The following SP140 variants were observed in gnomAD, a reference collection of about 807,000 sequenced individuals.
The protein encoded by SP140 is nuclear body protein SP140.
SP140 carries 81 observed loss-of-function variants against 125.0 expected under a neutral mutation model. The ratio of observed to expected loss-of-function variants is 0.65; its 90% CI spans 0.54 to 0.78. The LOEUF (loss-of-function observed/expected upper bound fraction) is 0.78. Among genes scored for constraint, SP140 ranks in the 30% least tolerant of loss-of-function variants. The pLI is 0.00. For synonymous variants in SP140, 312 were observed against 354.0 expected (o/e 0.88, Z 1.33); for missense variants, 858 against 1,037.0 (o/e 0.83, Z 2.37).
At chr2:230,228,304 A>C (rs575559249) in intron 1 of SP140, among the ~76,000 whole-genome samples, 45 of 152,304 alleles carry the variant, frequency 3.0e-4, no homozygotes, top group Non-Finnish European at 2.9e-5. Context: ...TTATGGCCCA[A>C]AATGAAGTAC....
chr2:230,228,481 G>T (rs1574869541), intron 1 of SP140, among the ~76,000 whole-genome samples: 1 of 152,196 alleles, frequency 6.6e-6, no homozygotes, highest in African/African-American at 2.4e-5. Flanking sequence ...TAATAAAAAA[G>T]AAGTGTTGAA....
intron 4 of SP140, among the ~76,000 whole-genome samples, chr2:230,242,564 A>G (rs2048874260): frequency 6.6e-6 from 1 of 152,150 alleles, no homozygotes; most frequent in African/African-American, 2.4e-5. Flanking sequence ...ATAGACATCT[A>G]CACTTGATTT....
chr2:230,242,552 A>G (rs1304555661), intron 4 of SP140, among the ~76,000 whole-genome samples: 1 of 151,488 alleles, frequency 6.6e-6, no homozygotes, highest in Non-Finnish European at 1.5e-5. Context: ...CTCAAGGGTC[A>G]GATAGACATC....
chr2:230,226,762 C>CAAAAAAAAAAAAAAA lies in SP140; in HGVS notation c.59+864_59+878dup, dbSNP rs11323886. ...GGGCAACAAGAGTGAAATTCCATCTCAAAAAAAAAAAAAAAAAAAGACAAG... is the reference window on the plus strand; with the variant it reads ...GGGCAACAAGAGTGAAATTCCATCTCAAAAAAAAAAAAAAAAAAAAAAAAAAAAAAAAAAGACAAG... On this transcript the variant is annotated intron_variant, in intron 1 of 26. Coordinates refer to ENST00000392045, the MANE Select transcript of SP140 (RefSeq NM_007237.5). 1.2e-3 allele frequency among the ~76,000 whole-genome samples: 110 copies of CAAAAAAAAAAAAAAA among 94,232 alleles called. 1 individual carries two copies. Among genetic ancestry groups the CAAAAAAAAAAAAAAA allele is most frequent in the Non-Finnish European group, 1.5e-3 (72 of 46,996 alleles). 61.8% of individuals were successfully genotyped at this position (94,232 alleles called of 152,430 possible).
rs796230295 is a variant in SP140, at chr2:230,237,985, A to T, written c.238-228A>T. ...ATACACAACATTCAACTTTGAACCC[A>T]CACTTATTATTTAAAATTACTCTCT... On this transcript the variant is annotated intron_variant, in intron 2 of 26. Coordinates refer to ENST00000392045, the MANE Select transcript of SP140 (RefSeq NM_007237.5). This position sits in a 1 kb window ranked among gnomAD's most constrained non-coding sequence, Gnocchi z 5.4. 1.8e-4 allele frequency among the ~76,000 whole-genome samples: 27 copies of T among 152,320 alleles called. No homozygotes were observed. Among genetic ancestry groups the T allele is most frequent in the African/African-American group, 5.5e-4 (23 of 41,572 alleles).
chr2:230,202,106 C>T (rs777442921), upstream of SP140, among the ~76,000 whole-genome samples: 2 of 152,160 alleles, frequency 1.3e-5, no homozygotes, highest in Non-Finnish European at 1.5e-5. Context: ...TGATGTCACT[C>T]TTTTCACTAA....
chr2:230,253,674 T>C (rs970037959), intron 11 of SP140, among the ~76,000 whole-genome samples: 7 of 152,124 alleles, frequency 4.6e-5, no homozygotes, highest in Admixed American at 3.3e-4. Context: ...AGAGGTAGGC[T>C]GGGGGCACCA....
At position 230,211,472 on chromosome 2, in the gene SP140, G is replaced by A; in HGVS notation, c.-322-2182G>A. 1 of 1,588,838 alleles carries A rather than the reference G, an allele frequency of 6.3e-7. No individual in the cohort carries two copies. Among genetic ancestry groups the A allele is most frequent in the Non-Finnish European group, 8.6e-7 (1 of 1,156,906 alleles). On this transcript the variant is annotated intron_variant, in intron 1 of 4. Coordinates refer to the SP140 transcript ENST00000456542. This position sits in a 1 kb window ranked among gnomAD's most constrained non-coding sequence, Gnocchi z 4.2. ...TAGGTTGACCAAACCAAGATTACCT[G>A]GCATAGAGCCCAAGGGAGAGTGGGG...
upstream of SP140, among the ~76,000 whole-genome samples, chr2:230,225,035 T>C (rs566652409): frequency 1.3e-5 from 2 of 152,328 alleles, no homozygotes; most frequent in African/African-American, 4.8e-5. Flanking sequence ...AATACAGCTA[T>C]CCTCCTGTAT....
chr2:230,237,228 G>C lies in SP140; in HGVS notation c.205G>C (p.Asp69His). 1 of 1,612,254 alleles carries C rather than the reference G, an allele frequency of 6.2e-7. No individual in the cohort carries two copies. The highest frequency in any genetic ancestry group is 8.5e-7 in the Non-Finnish European group (1 of 1,179,488). ...ATTTCCTTTCCTTATGGGCCTCCGA[G>C]ACCGCTCCTTCATCTCCGAGCAGAT... ...RPFPFLMGLR[D>H]RSFISEQMYE... Residue 69 changes from aspartate (D) to histidine (H), a missense_variant, in exon 2 of 27, where the codon GAC becomes CAC. Asp to His is a moderately conservative substitution (Grantham distance 81). Transcript: ENST00000392045. This position sits in a 1 kb window ranked among gnomAD's most constrained non-coding sequence, Gnocchi z 5.4.
chr2:230,242,813 A>C (rs1252504409), intron 4 of SP140, among the ~76,000 whole-genome samples: 1 of 152,062 alleles, frequency 6.6e-6, no homozygotes, highest in African/African-American at 2.4e-5. Context: ...TGGCCTGTCC[A>C]TCTTTGCATC....
At chr2:230,188,831 C>T in the SP140 span, among the ~76,000 whole-genome samples, 3 of 152,170 alleles carry the variant, frequency 2.0e-5, no homozygotes, top group Non-Finnish European at 2.9e-5. Context: ...ATTAAATCCA[C>T]TTGATCATGG....
chr2:230,290,358 A>T, intron 18 of SP140, 102 bp from the exon 19 acceptor site: 1 of 1,067,244 alleles, frequency 9.4e-7, no homozygotes, highest in South Asian at 1.4e-5. Context: ...TTTGGAATAG[A>T]ATTTCCTAAG....
chr2:230,296,836 C>T (rs191203694), intron 21 of SP140, among the ~76,000 whole-genome samples: 16 of 152,326 alleles, frequency 1.1e-4, no homozygotes, highest in African/African-American at 3.8e-4. Flanking sequence ...GCTTCTCTGA[C>T]TTGGCCTGTG....
At position 230,238,400 on chromosome 2, in the gene SP140, A is replaced by G; in HGVS notation, c.406+19A>G. ...CAGAATGGTAACTATAGCTCTCAAC[A>G]GCTTTGGGGGATTCAAGCCCATTTC... On this transcript the variant is annotated intron_variant, in intron 3 of 26. Transcript: ENST00000392045. The G allele has an allele frequency of 6.9e-6, 11 of 1,591,962 alleles. No homozygotes were observed. The highest frequency in any genetic ancestry group is 9.4e-6 in the Non-Finnish European group (11 of 1,172,934).
At position 230,292,780 on chromosome 2, in the gene SP140, C is replaced by A. The variant is rs2057278455; in HGVS notation, c.1960C>A (p.Leu654Met). 1 of 1,614,010 alleles carries A rather than the reference C, an allele frequency of 6.2e-7. No individual in the cohort carries two copies. The highest frequency in any genetic ancestry group is 8.5e-7 in the Non-Finnish European group (1 of 1,180,018). Reference sequence around the variant, plus strand: ...CTGTGGCGGGTGGCCCCTACGATGGCTGATGGAGGTATTCCAATGACAAGG... The same window carrying A: ...CTGTGGCGGGTGGCCCCTACGATGGATGATGGAGGTATTCCAATGACAAGG... Reference protein sequence around the residue: ...VRCGGWPLRWLMENGFLPDPP... With the variant: ...VRCGGWPLRWMMENGFLPDPP... The change falls in exon 20 of 27, where the codon CTG becomes ATG. Residue 654 changes from leucine (L) to methionine (M), a missense_variant. By Grantham distance (15) the Leu-to-Met change is conservative (BLOSUM62 2). Transcript: ENST00000392045.
intron 12 of SP140, among the ~76,000 whole-genome samples, chr2:230,265,261 C>A (rs1174688363): frequency 6.6e-6 from 1 of 152,018 alleles, no homozygotes. Flanking sequence ...AGCTGGCAGT[C>A]ACAGGTCTCA....
intron 7 of SP140, among the ~76,000 whole-genome samples, chr2:230,247,463 G>A (rs1425420220): frequency 6.6e-6 from 1 of 152,108 alleles, no homozygotes. Flanking sequence ...TATCTCACCT[G>A]TCCATTTCCT....
chr2:230,254,630 G>A (rs1324206698), intron 11 of SP140, among the ~76,000 whole-genome samples: 1 of 152,192 alleles, frequency 6.6e-6, no homozygotes, highest in Non-Finnish European at 1.5e-5. Context: ...AGGGATGAAT[G>A]TCCTGTTTGC....
Sources: gnomAD v4.1 joint callset for allele counts (sites outside exome capture counted in the v4.1 genomes callset) on GRCh38, gnomAD v4.1.1 for gene constraint, Gnocchi (gnomAD v3.1) non-coding constraint, MANE v1.5 for transcripts, NCBI Gene and HGNC (gene_info 2026-07-23, HGNC 2026-07-21) for gene names.